SH3BGRL: variants seen among roughly 807,000 people sequenced by gnomAD.
The protein encoded by SH3BGRL is adapter SH3BGRL.
A neutral mutation model predicts 9.8 loss-of-function variants in SH3BGRL; 7 were observed. The ratio of observed to expected loss-of-function variants is 0.72; its 90% CI spans 0.41 to 1.35. The LOEUF (loss-of-function observed/expected upper bound fraction) is 1.35. Among genes scored for constraint, SH3BGRL ranks in the 40% most tolerant of loss-of-function variants. The pLI is 0.01. For missense variants in SH3BGRL, 73 were observed against 84.4 expected (o/e 0.86, Z 0.53); for synonymous variants, 36 against 29.1 (o/e 1.24, Z -0.76).
intron 1 of SH3BGRL, among the ~76,000 whole-genome samples, chrX:81,270,962 T>TC (rs1230887538): frequency 3.6e-4 from 39 of 109,127 alleles, no homozygotes; most frequent in Non-Finnish European, 5.9e-4. Flanking sequence ...AAGGTGGACG[T>TC]CCCCCCCCAA....
intron 1 of SH3BGRL, among the ~76,000 whole-genome samples, chrX:81,205,084 C>T (rs28477822): frequency 0.016 from 1,766 of 112,054 alleles, 37 homozygotes; most frequent in African/African-American, 0.055. Flanking sequence ...ACATTCCAAA[C>T]ATTCTAGCTG....
intron 1 of SH3BGRL, among the ~76,000 whole-genome samples, chrX:81,272,216 A>T (rs958764523): frequency 2.8e-5 from 3 of 107,233 alleles, no homozygotes; most frequent in African/African-American, 1.0e-4. Context: ...AAAAAAAGGA[A>T]GACAATAGTT....
intron 1 of SH3BGRL, among the ~76,000 whole-genome samples, chrX:81,226,087 C>T (rs948875453): frequency 9.0e-6 from 1 of 111,370 alleles, no homozygotes; most frequent in African/African-American, 3.3e-5. Context: ...CTCCCATTGG[C>T]ACCTCTAATA....
chrX:81,262,410 A>G (rs1041791319), intron 1 of SH3BGRL, among the ~76,000 whole-genome samples: 3 of 111,464 alleles, frequency 2.7e-5, no homozygotes, highest in East Asian at 5.6e-4. Context: ...ACCCCAGTAT[A>G]ATTATCAGAA....
intron 1 of SH3BGRL, among the ~76,000 whole-genome samples, chrX:81,272,502 CTTT>C (rs748353277): frequency 5.2e-5 from 5 of 95,653 alleles, no homozygotes; most frequent in Non-Finnish European, 6.3e-5. Context: ...TTTTTCTTTT[CTTT>C]TTTTTTTTTT....
intron 3 of SH3BGRL, among the ~76,000 whole-genome samples, chrX:81,285,661 A>G (rs2075831896): frequency 8.9e-6 from 1 of 112,154 alleles, no homozygotes; most frequent in Admixed American, 9.5e-5. Context: ...ATATGAATCA[A>G]AGTATTATAC....
chrX:81,230,686 G>A (rs1042073156), intron 1 of SH3BGRL, among the ~76,000 whole-genome samples: 2 of 111,659 alleles, frequency 1.8e-5, no homozygotes, highest in African/African-American at 3.3e-5. Context: ...TAAAGCCAGT[G>A]GTAAACTTTA....
At chrX:81,206,669 G>A (rs2075548899) in intron 1 of SH3BGRL, among the ~76,000 whole-genome samples, 1 of 111,640 alleles carries the variant, frequency 9.0e-6, no homozygotes, top group Admixed American at 9.5e-5. Flanking sequence ...CTGGGCATGT[G>A]CATATAGGGG....
Position 81,297,286 on chromosome X carries a change from T to C in SH3BGRL, c.*59T>C. The C allele has an allele frequency of 1.1e-6, 1 of 939,534 alleles. No homozygotes were observed. The highest frequency in any genetic ancestry group is 3.2e-5 in the East Asian group (1 of 31,502). The allele number at this position is 939,534 out of a possible 1,213,427, so 77.4% of individuals were successfully genotyped here. ...ATGAGTCTCCATTGCTTTTATAAAA[T>C]AGCAGAATTAGCTTTGCTTCAAAAG... On this transcript the variant is annotated 3_prime_UTR_variant, in exon 4 of 4. Transcript: ENST00000373212.
intron 1 of SH3BGRL, among the ~76,000 whole-genome samples, chrX:81,275,909 G>C (rs184573209): frequency 9.3e-4 from 104 of 111,845 alleles, no homozygotes; most frequent in African/African-American, 3.1e-3. Flanking sequence ...CATGTATGTG[G>C]GGGTAGATGG....
intron 1 of SH3BGRL, among the ~76,000 whole-genome samples, chrX:81,243,918 A>C (rs1349915486): frequency 9.0e-6 from 1 of 111,348 alleles, no homozygotes; most frequent in Non-Finnish European, 1.9e-5. Flanking sequence ...CAAATGGTGA[A>C]CGAAATTTGA....
chrX:81,214,422 T>C (rs1174586306), intron 1 of SH3BGRL, among the ~76,000 whole-genome samples: 1 of 111,715 alleles, frequency 9.0e-6, no homozygotes, highest in Non-Finnish European at 1.9e-5. Context: ...TCCAGCGTTA[T>C]TAAAAAAGAA....
At chrX:81,202,938 A>T (rs1196036638) in intron 1 of SH3BGRL, among the ~76,000 whole-genome samples, 1 of 111,158 alleles carries the variant, frequency 9.0e-6, no homozygotes, top group Non-Finnish European at 1.9e-5. Context: ...TTTACTTTTA[A>T]ATTTCTCTCA....
intron 3 of SH3BGRL, among the ~76,000 whole-genome samples, chrX:81,279,769 C>A (rs184340985): frequency 1.5e-4 from 17 of 111,100 alleles, no homozygotes; most frequent in African/African-American, 5.6e-4. Flanking sequence ...GGTTAAAACT[C>A]CACAGAAAGA....
chrX:81,275,067 C>T (rs1413626993), intron 1 of SH3BGRL, among the ~76,000 whole-genome samples: 1 of 111,264 alleles, frequency 9.0e-6, no homozygotes, highest in Admixed American at 9.6e-5. Context: ...GATACCAGGC[C>T]TGGCGACCAT....
intron 1 of SH3BGRL, among the ~76,000 whole-genome samples, chrX:81,258,354 C>T (rs2075731726): frequency 8.9e-6 from 1 of 112,084 alleles, no homozygotes; most frequent in African/African-American, 3.2e-5. Context: ...TACATAACTA[C>T]TTCAGACTCA....
chrX:81,260,033 G>T (rs2075736393), intron 1 of SH3BGRL, among the ~76,000 whole-genome samples: 2 of 111,326 alleles, frequency 1.8e-5, no homozygotes, highest in Admixed American at 9.6e-5. Flanking sequence ...AGGACAAAAT[G>T]ATTACCTAAA....
chrX:81,231,008 A>G (rs2075631330), intron 1 of SH3BGRL, among the ~76,000 whole-genome samples: 1 of 112,347 alleles, frequency 8.9e-6, no homozygotes, highest in Non-Finnish European at 1.9e-5. Context: ...GCTCGTTAGA[A>G]CAATATGTTG....
chrX:81,293,203 T>A (rs2075863696), intron 3 of SH3BGRL, among the ~76,000 whole-genome samples: 1 of 112,330 alleles, frequency 8.9e-6, no homozygotes, highest in South Asian at 3.7e-4. Flanking sequence ...TTGCTGCCAC[T>A]GTGTAAGAAG....
Sources: allele counts gnomAD v4.1 joint callset (sites outside exome capture counted in the v4.1 genomes callset), GRCh38; gene constraint gnomAD v4.1.1; transcripts MANE v1.5; gene names NCBI Gene and HGNC (gene_info 2026-07-23, HGNC 2026-07-21).